GALNT18: variants seen among roughly 807,000 people sequenced by gnomAD.
GALNT18 encodes the protein GalNAc-transferase 18.
Under a neutral mutation model 69.5 loss-of-function variants are expected in GALNT18, and 44 were observed. The observed-to-expected ratio is 0.63, with a 90% CI of 0.50 to 0.81. The LOEUF (loss-of-function observed/expected upper bound fraction) is 0.81. GALNT18 is among the 40% of genes least tolerant of loss of function. The probability of loss-of-function intolerance (pLI) is 0.00; values close to 1 mark genes in which losing one functional copy is unlikely to be tolerated. For synonymous variants in GALNT18, 364 were observed against 318.2 expected (o/e 1.14, Z -1.53); for missense variants, 715 against 810.0 (o/e 0.88, Z 1.42).
chr11:11,304,291 C>T (rs954966194), intron 9 of GALNT18, among the ~76,000 whole-genome samples: 2 of 152,184 alleles, frequency 1.3e-5, no homozygotes, highest in African/African-American at 4.8e-5. Context: ...TTTGTCTTTA[C>T]CTTAAGCTAC....
At position 11,511,344 on chromosome 11, in the gene GALNT18, T is replaced by C. The variant is rs932314281; in HGVS notation, c.236-62408A>G. Among the ~76,000 whole-genome samples the C allele has an allele frequency of 2.0e-5, 3 of 152,234 alleles. No homozygotes were observed. Among genetic ancestry groups the C allele is most frequent in the Middle Eastern group, 3.4e-3 (1 of 294 alleles). ...GGCCCTGGTCTCAGACCTTACACAC[T>C]GGTCTGCAAAGAGCTACAGCTCAAG... On this transcript the variant is annotated intron_variant, in intron 1 of 10. Transcript: ENST00000227756. This position sits in a 1 kb window ranked among gnomAD's most constrained non-coding sequence, Gnocchi z 4.9.
intron 8 of GALNT18, among the ~76,000 whole-genome samples, chr11:11,331,373 G>A (rs1281548178): frequency 6.6e-6 from 1 of 152,140 alleles, no homozygotes; most frequent in Non-Finnish European, 1.5e-5. Context: ...GGGGTAGAGG[G>A]CATGGGTCTA....
At chr11:11,514,828 G>T (rs111698155) in intron 1 of GALNT18, among the ~76,000 whole-genome samples, 21 of 152,294 alleles carry the variant, frequency 1.4e-4, no homozygotes, top group East Asian at 5.8e-4. Flanking sequence ...GCCTAAGAAG[G>T]TCCCAAGAGT....
chr11:11,304,166 A>G (rs4910306), intron 9 of GALNT18, among the ~76,000 whole-genome samples: 76,186 of 152,018 alleles, frequency 0.5, 19,129 homozygotes, highest in Middle Eastern at 0.58. Context: ...GAAGACCCAT[A>G]AACTTTTACT....
intron 10 of GALNT18, 22 bp downstream of exon 10, chr11:11,293,007 G>A: frequency 7.4e-7 from 1 of 1,351,092 alleles, no homozygotes; most frequent in East Asian, 2.8e-5. Context: ...CTGCCACTGT[G>A]CCCGGGCTCT....
At chr11:11,388,500 A>T (rs185757967) in intron 3 of GALNT18, among the ~76,000 whole-genome samples, 3 of 152,312 alleles carry the variant, frequency 2.0e-5, no homozygotes. Context: ...ATTAAGACAA[A>T]ATAAAACAAA....
At chr11:11,515,303 C>T (rs982394568) in intron 1 of GALNT18, among the ~76,000 whole-genome samples, 1 of 128,720 alleles carries the variant, frequency 7.8e-6, no homozygotes, top group Non-Finnish European at 1.5e-5. Flanking sequence ...TTGATAGTCC[C>T]ATTTTATAGA....
chr11:11,497,616 C>A lies in GALNT18; in HGVS notation c.236-48680G>T, dbSNP rs1856893239. ...GTGGAGGCATGGCACCAAATAAGCACCAAACACACAGTATTTCCAGTAACA... is the reference window on the plus strand; with the variant it reads ...GTGGAGGCATGGCACCAAATAAGCAACAAACACACAGTATTTCCAGTAACA... On this transcript the variant is annotated intron_variant, in intron 1 of 10. Coordinates refer to ENST00000227756, the MANE Select transcript of GALNT18 (RefSeq NM_198516.3). The surrounding 1 kb of genome is among the most constrained non-coding windows in gnomAD (Gnocchi z 4.2). 6.6e-6 allele frequency among the ~76,000 whole-genome samples: 1 copy of A among 152,032 alleles called. No individual in the cohort carries two copies. The highest frequency in any genetic ancestry group is 2.1e-4 in the South Asian group (1 of 4,810).
chr11:11,424,228 C>T lies in GALNT18; in HGVS notation c.595+8393G>A, dbSNP rs550080534. ...CCATTTTAGTGCATGTGGCGGCTGT[C>T]CTGGCTCTGGTCTGCCCTCCCTAAG... On this transcript the variant is annotated intron_variant, in intron 3 of 10. Transcript: ENST00000227756. Among the ~76,000 whole-genome samples the T allele has an allele frequency of 5.3e-3, 809 of 152,334 alleles. 6 individuals carry two copies. The highest frequency in any genetic ancestry group is 0.013 in the Admixed American group (198 of 15,310).
chr11:11,449,003 T>A, intron 1 of GALNT18, 67 bp from the exon 2 acceptor site: 1 of 1,281,208 alleles, frequency 7.8e-7, no homozygotes, highest in Non-Finnish European at 1.1e-6. Context: ...GACAATCCCT[T>A]TCCCTTCCTC....
intron 1 of GALNT18, chr11:11,475,747 C>T (rs961422001): frequency 1.3e-5 from 2 of 152,186 alleles, no homozygotes; most frequent in African/African-American, 4.8e-5. Context: ...GGAGATGCCC[C>T]TAGAATCCCC....
rs369103579 is a variant in GALNT18 at position 11,332,575 on chromosome 11, C to T, written c.1416+119G>A. ...GGTGCAGAACCCAGCGCCCGGTCCCCAGGCCTACTGCAGTTCTTCATGTGA... is the reference window on the plus strand; with the variant it reads ...GGTGCAGAACCCAGCGCCCGGTCCCTAGGCCTACTGCAGTTCTTCATGTGA... On this transcript the variant is annotated intron_variant, in intron 8 of 10. Transcript: ENST00000227756. The surrounding 1 kb of genome is among the most constrained non-coding windows in gnomAD (Gnocchi z 4.3). 697 of 1,183,666 alleles carry T rather than the reference C, an allele frequency of 5.9e-4. 7 individuals carry two copies. The East Asian group carries it at 0.01, about 17-fold the overall frequency. 73.3% of individuals were successfully genotyped at this position (1,183,666 alleles called of 1,614,324 possible). A position where few individuals can be genotyped will look rare whatever the true frequency, so the allele number is the denominator to read the frequency against.
chr11:11,484,601 A>G (rs1856603608), intron 1 of GALNT18, among the ~76,000 whole-genome samples: 1 of 151,500 alleles, frequency 6.6e-6, no homozygotes. Flanking sequence ...CTCAAAAAAA[A>G]AAAAAAAAAA....
chr11:11,305,737 T>C (rs1195612031), intron 9 of GALNT18, among the ~76,000 whole-genome samples: 4 of 152,182 alleles, frequency 2.6e-5, no homozygotes. Context: ...GATGCGACTG[T>C]AACAGCAGTC....
intron 1 of GALNT18, among the ~76,000 whole-genome samples, chr11:11,575,760 A>AG: frequency 6.6e-6 from 1 of 152,240 alleles, no homozygotes; most frequent in Non-Finnish European, 1.5e-5. Flanking sequence ...AGGAGAAAGG[A>AG]GAGAAGAGGA....
intron 6 of GALNT18, among the ~76,000 whole-genome samples, chr11:11,350,220 C>G (rs1406857911): frequency 6.6e-6 from 1 of 152,216 alleles, no homozygotes; most frequent in Non-Finnish European, 1.5e-5. Context: ...AGAGGGGCAA[C>G]AGTAATGTGT....
chr11:11,271,222 G>C lies in GALNT18; in HGVS notation c.1746C>G (p.Phe582Leu). Reference sequence around the variant, plus strand: ...ACTTCTGCAACACCAGCTGGAAGCCGAACTCCAGGTCGCTATTCTCCTGCA... The same window carrying C: ...ACTTCTGCAACACCAGCTGGAAGCCCAACTCCAGGTCGCTATTCTCCTGCA... ...LELQENSDLE[F>L]GFQLVLQKCS... Residue 582 changes from phenylalanine (F) to leucine (L), a missense_variant, in exon 11 of 11, where the codon TTC becomes TTG. By Grantham distance (22) the Phe-to-Leu change is conservative. Coordinates refer to ENST00000227756, the MANE Select transcript of GALNT18 (RefSeq NM_198516.3). 2 of 1,614,070 alleles carry C rather than the reference G, an allele frequency of 1.2e-6. No homozygotes were observed. Among genetic ancestry groups the C allele is most frequent in the South Asian group, 1.1e-5 (1 of 91,074 alleles).
rs1857886623 is a variant in GALNT18 at position 11,540,359 on chromosome 11, C to A, written c.235+81000G>T. On this transcript the variant is annotated intron_variant, in intron 1 of 10. Coordinates refer to ENST00000227756, the MANE Select transcript of GALNT18 (RefSeq NM_198516.3). The surrounding 1 kb of genome is among the most constrained non-coding windows in gnomAD (Gnocchi z 4.6). ...GACTCCTACATCCCTGATGCTAGGA[C>A]AAGAGCATGCCAAGAGCCCTGGGTG... Among the ~76,000 whole-genome samples the A allele has an allele frequency of 6.6e-6, 1 of 152,158 alleles. No individual in the cohort carries two copies. The highest frequency in any genetic ancestry group is 6.5e-5 in the Admixed American group (1 of 15,286).
intron 1 of GALNT18, among the ~76,000 whole-genome samples, chr11:11,506,708 T>C (rs1406416541): frequency 2.0e-5 from 3 of 152,198 alleles, no homozygotes; most frequent in Admixed American, 2.0e-4. Context: ...GTGAAATAAC[T>C]CTGAAGACTA....
Sources: allele counts gnomAD v4.1 joint callset (sites outside exome capture counted in the v4.1 genomes callset), GRCh38; gene constraint gnomAD v4.1.1; non-coding constraint Gnocchi (gnomAD v3.1); transcripts MANE v1.5; gene names NCBI Gene and HGNC (gene_info 2026-07-23, HGNC 2026-07-21).